Variants in SEMA3A observed in about 807,000 individuals in gnomAD.
The protein encoded by SEMA3A is semaphorin 3A, also known as semaphorin-3A.
Under a neutral mutation model 97.9 loss-of-function variants are expected in SEMA3A, and 29 were observed. The observed-to-expected ratio is 0.30, with a 90% CI of 0.22 to 0.40. The LOEUF (loss-of-function observed/expected upper bound fraction) is 0.40, where lower values mean the gene tolerates loss of function less well. SEMA3A is among the 10% of genes least tolerant of loss of function. SEMA3A has a pLI of 1.00. For synonymous variants in SEMA3A, 321 were observed against 323.7 expected, an observed-to-expected ratio of 0.99 and a Z score of 0.09; for missense variants, 763 against 951.3, an observed-to-expected ratio of 0.80 and a Z score of 2.60.
At chr7:84,302,945 T>C (rs1801057110) in intron 3 of SEMA3A, among the ~76,000 whole-genome samples, 2 of 152,034 alleles carry the variant, frequency 1.3e-5, no homozygotes, top group African/African-American at 4.8e-5. Flanking sequence ...AAACACTTAG[T>C]ACAGATTAGC....
At chr7:84,428,367 G>C (rs1233499413) in intron 1 of SEMA3A, among the ~76,000 whole-genome samples, 1 of 151,910 alleles carries the variant, frequency 6.6e-6, no homozygotes, top group Non-Finnish European at 1.5e-5. Flanking sequence ...TAAAAAACAA[G>C]TATATTTTAT....
chr7:84,325,100 A>G (rs562294999), intron 2 of SEMA3A, among the ~76,000 whole-genome samples: 1 of 151,578 alleles, frequency 6.6e-6, no homozygotes, highest in Non-Finnish European at 1.5e-5. Context: ...ACCTGTCACA[A>G]TGGAGAATGT....
At chr7:84,206,601 C>T (rs1271174684) in intron 3 of SEMA3A, among the ~76,000 whole-genome samples, 1 of 151,920 alleles carries the variant, frequency 6.6e-6, no homozygotes, top group Non-Finnish European at 1.5e-5. Context: ...GGATTACAGG[C>T]GTGAGCCACC....
At chr7:84,267,808 A>G (rs144651759) in intron 3 of SEMA3A, among the ~76,000 whole-genome samples, 101 of 152,278 alleles carry the variant, frequency 6.6e-4, no homozygotes, top group African/African-American at 2.2e-3. Context: ...TTAAATCAAC[A>G]TCATATTTTA....
At chr7:84,002,216 G>GC (rs1393933935) in intron 11 of SEMA3A, among the ~76,000 whole-genome samples, 170 bp from the exon 12 acceptor site, 1 of 152,142 alleles carries the variant, frequency 6.6e-6, no homozygotes, top group Non-Finnish European at 1.5e-5. Flanking sequence ...TGCATTTCAT[G>GC]CAATTAGACA....
At chr7:84,349,482 T>C (rs1244160595) in intron 2 of SEMA3A, among the ~76,000 whole-genome samples, 3 of 152,146 alleles carry the variant, frequency 2.0e-5, no homozygotes, top group African/African-American at 2.4e-5. Flanking sequence ...AAATGATAAA[T>C]TGTGCTAAAG....
chr7:84,297,659 T>C (rs528311092), intron 3 of SEMA3A, among the ~76,000 whole-genome samples: 1 of 152,270 alleles, frequency 6.6e-6, no homozygotes, highest in African/African-American at 2.4e-5. Context: ...TTACCTTTGT[T>C]ATTATAAGTT....
intron 1 of SEMA3A, among the ~76,000 whole-genome samples, chr7:84,485,134 A>G (rs558032732): frequency 6.0e-4 from 91 of 152,306 alleles, no homozygotes; most frequent in African/African-American, 2.1e-3. Flanking sequence ...TAGTTACTGC[A>G]GTAATGTTCC....
intron 1 of SEMA3A, among the ~76,000 whole-genome samples, chr7:84,193,430 T>C (rs922808662): frequency 6.6e-6 from 1 of 152,056 alleles, no homozygotes; most frequent in Non-Finnish European, 1.5e-5. Flanking sequence ...AAAATAAGCT[T>C]AATTAGAGCT....
At chr7:84,436,432 T>C (rs1365708591) in intron 1 of SEMA3A, among the ~76,000 whole-genome samples, 2 of 152,130 alleles carry the variant, frequency 1.3e-5, no homozygotes, top group African/African-American at 2.4e-5. Context: ...AAACTATTCA[T>C]CCAACAAAGA....
intron 10 of SEMA3A, among the ~76,000 whole-genome samples, chr7:84,006,944 T>G (rs772919497): frequency 6.6e-6 from 1 of 152,122 alleles, no homozygotes; most frequent in African/African-American, 2.4e-5. Context: ...TTGTTTTGTA[T>G]GTAAATTATA....
chr7:84,352,494 CCCCATAAGTATATGCACCTACTATGTA>C (rs1802462749), intron 2 of SEMA3A, among the ~76,000 whole-genome samples: 1 of 151,362 alleles, frequency 6.6e-6, no homozygotes, highest in African/African-American at 2.4e-5. Context: ...ATCTCATGTA[CCCCATAAGTATATGCACCTACTATGTA>C]CCCATAAAAA....
At chr7:84,430,629 T>C (rs1431880908) in intron 1 of SEMA3A, among the ~76,000 whole-genome samples, 1 of 152,032 alleles carries the variant, frequency 6.6e-6, no homozygotes, top group Non-Finnish European at 1.5e-5. Context: ...CATAGTAATC[T>C]GACTCCATGT....
intron 1 of SEMA3A, among the ~76,000 whole-genome samples, chr7:84,485,099 G>A (rs1268346617): frequency 6.6e-6 from 1 of 152,088 alleles, no homozygotes; most frequent in African/African-American, 2.4e-5. Context: ...GATTACATAA[G>A]ATAATGTAAG....
intron 1 of SEMA3A, among the ~76,000 whole-genome samples, chr7:84,415,220 T>A (rs1163196718): frequency 6.6e-6 from 1 of 152,108 alleles, no homozygotes; most frequent in Non-Finnish European, 1.5e-5. Context: ...CTCTGTTATT[T>A]CATAAATCTG....
At chr7:84,388,843 T>G (rs1223054777) in intron 1 of SEMA3A, among the ~76,000 whole-genome samples, 2 of 152,068 alleles carry the variant, frequency 1.3e-5, no homozygotes, top group African/African-American at 4.8e-5. Context: ...CTGATTTCCT[T>G]AGCTGTTCTC....
chr7:83,983,246 CTCT>C (rs1414005671), intron 13 of SEMA3A, among the ~76,000 whole-genome samples: 1 of 148,044 alleles, frequency 6.8e-6, no homozygotes, highest in Non-Finnish European at 1.5e-5. Context: ...TCTTTTCTTT[CTCT>C]TCTTTCTTTC....
intron 14 of SEMA3A, among the ~76,000 whole-genome samples, chr7:83,977,931 G>A (rs1789229650): frequency 6.6e-6 from 1 of 151,500 alleles, no homozygotes; most frequent in Admixed American, 6.6e-5. Flanking sequence ...AGCCTCCTGA[G>A]TAGCTGGGAC....
chr7:83,998,560 T>C (rs2116376488), intron 12 of SEMA3A, among the ~76,000 whole-genome samples: 1 of 152,280 alleles, frequency 6.6e-6, no homozygotes, highest in African/African-American at 2.4e-5. Context: ...CGCCATACAC[T>C]TAGGCTACAC....
Sources: allele counts gnomAD v4.1 joint callset (sites outside exome capture counted in the v4.1 genomes callset), GRCh38; gene constraint gnomAD v4.1.1; transcripts MANE v1.5; gene names NCBI Gene and HGNC (gene_info 2026-07-23, HGNC 2026-07-21).